TMCO1: variants seen among roughly 807,000 people sequenced by gnomAD.
The protein encoded by TMCO1 is calcium load-activated calcium channel.
Under a neutral mutation model 29.3 loss-of-function variants are expected in TMCO1, and 29 were observed. That is an observed-to-expected ratio of 0.99 (90% confidence interval 0.74 to 1.35). TMCO1 has a LOEUF of 1.35. TMCO1 is among the 40% of genes most tolerant of loss of function. TMCO1 has a pLI of 0.00. For missense variants in TMCO1, 173 were observed against 225.5 expected (o/e 0.77, Z 1.49); for synonymous variants, 80 against 77.1 (o/e 1.04, Z -0.20).
At chr1:165,741,337 T>C (rs1464947709) in intron 6 of TMCO1, among the ~76,000 whole-genome samples, 1 of 152,244 alleles carries the variant, frequency 6.6e-6, no homozygotes, top group Non-Finnish European at 1.5e-5. Context: ...TGCTACACTA[T>C]TATAATAGTC....
At chr1:165,730,875 G>A (rs568164825) in intron 6 of TMCO1, among the ~76,000 whole-genome samples, 3 of 150,760 alleles carry the variant, frequency 2.0e-5, no homozygotes, top group South Asian at 2.1e-4. Flanking sequence ...TTATAGGGGT[G>A]AGCCACTATG....
rs368195560 is a variant in TMCO1 at position 165,728,894 on chromosome 1, C to G, written c.469-773G>C. Among the ~76,000 whole-genome samples the G allele has an allele frequency of 2.6e-4, 39 of 151,908 alleles. No homozygotes were observed. In the East Asian group the frequency reaches 7.0e-3, roughly 27 times the overall value. On this transcript the variant is annotated intron_variant, in intron 6 of 6. Coordinates refer to ENST00000367881, the MANE Select transcript of TMCO1 (RefSeq NM_019026.6). ...GGTAGATCACTTGAGGCTAGGAGTTCAAGACGAGCTTGGACAACATGGTAA... is the reference window on the plus strand; with the variant it reads ...GGTAGATCACTTGAGGCTAGGAGTTGAAGACGAGCTTGGACAACATGGTAA...
intron 3 of TMCO1, among the ~76,000 whole-genome samples, chr1:165,756,012 T>C (rs999617407): frequency 6.6e-6 from 1 of 150,564 alleles, no homozygotes; most frequent in African/African-American, 2.4e-5. Context: ...GCTCTGAAAC[T>C]TTAATTTGCC....
intron 5 of TMCO1, among the ~76,000 whole-genome samples, chr1:165,749,965 T>C (rs762838058): frequency 2.0e-5 from 3 of 152,002 alleles, no homozygotes; most frequent in Non-Finnish European, 2.9e-5. Flanking sequence ...ATCAAAAAAA[T>C]GAAAAAATTT....
At chr1:165,750,587 C>T (rs912866433) in intron 5 of TMCO1, among the ~76,000 whole-genome samples, 1 of 143,562 alleles carries the variant, frequency 7.0e-6, no homozygotes, top group Non-Finnish European at 1.5e-5. Context: ...TTCAATGGAA[C>T]ATTATAAAGA....
intron 3 of TMCO1, among the ~76,000 whole-genome samples, chr1:165,756,553 A>G (rs968320783): frequency 6.6e-6 from 1 of 152,202 alleles, no homozygotes. Flanking sequence ...TTCTTATAAG[A>G]GGGAAATGCA....
chr1:165,744,069 T>G (rs1445286409), intron 5 of TMCO1, among the ~76,000 whole-genome samples: 1 of 152,030 alleles, frequency 6.6e-6, no homozygotes, highest in African/African-American at 2.4e-5. Context: ...GATGTTGGCC[T>G]TGATGGTCTC....
At chr1:165,764,280 G>C (rs893909347) in intron 2 of TMCO1, among the ~76,000 whole-genome samples, 2 of 152,216 alleles carry the variant, frequency 1.3e-5, no homozygotes, top group African/African-American at 4.8e-5. Context: ...CATTTATCAA[G>C]TATCTAATAT....
intron 5 of TMCO1, among the ~76,000 whole-genome samples, chr1:165,743,773 T>C (rs1041158884): frequency 1.3e-5 from 2 of 152,054 alleles, no homozygotes; most frequent in African/African-American, 2.4e-5. Flanking sequence ...AAATCTTTTA[T>C]ATCTTTATAT....
rs141673186 is a variant in TMCO1 at position 165,750,050 on chromosome 1, G to A, written c.323+2052C>T. ...ACATCATAATTTCCAGTGATGATAA[G>A]TATAAGGAGAAAGATCCATTCACAA... On this transcript the variant is annotated intron_variant, in intron 5 of 6. Transcript: ENST00000367881. Among the ~76,000 whole-genome samples, 1,027 of 152,176 alleles carry A rather than the reference G, an allele frequency of 6.7e-3. 17 individuals are homozygous for A. Among genetic ancestry groups the A allele is most frequent in the African/African-American group, 0.022 (931 of 41,526 alleles).
rs528456565 is a variant in TMCO1 at position 165,751,661 on chromosome 1, C to A, written c.323+441G>T. Among the ~76,000 whole-genome samples the A allele has an allele frequency of 4.6e-5, 7 of 151,304 alleles. No homozygotes were observed. The East Asian group carries it at 1.2e-3, about 25-fold the overall frequency. On this transcript the variant is annotated intron_variant, in intron 5 of 6. Coordinates refer to ENST00000367881, the MANE Select transcript of TMCO1 (RefSeq NM_019026.6). ...CAGAGGTTGCAGTGAGCCAAGATTGCGCCACTGCACTCCAGCCTGGGTGAC... is the reference window on the plus strand; with the variant it reads ...CAGAGGTTGCAGTGAGCCAAGATTGAGCCACTGCACTCCAGCCTGGGTGAC...
intron 6 of TMCO1, among the ~76,000 whole-genome samples, chr1:165,734,584 AC>A (rs1651296141): frequency 6.6e-6 from 1 of 152,022 alleles, no homozygotes; most frequent in South Asian, 2.1e-4. Flanking sequence ...GCTCACTGCA[AC>A]CTCCACCACC....
intron 6 of TMCO1, among the ~76,000 whole-genome samples, chr1:165,736,735 CA>C (rs1651405746): frequency 7.3e-6 from 1 of 136,218 alleles, no homozygotes; most frequent in Admixed American, 7.2e-5. Context: ...AAAAAAAAAA[CA>C]AAAAACAAAA....
At chr1:165,736,426 T>A (rs998665415) in intron 6 of TMCO1, among the ~76,000 whole-genome samples, 3 of 151,914 alleles carry the variant, frequency 2.0e-5, no homozygotes, top group African/African-American at 7.3e-5. Flanking sequence ...TACTGTTACT[T>A]AAGAGAACAG....
chr1:165,735,253 T>A (rs1162685160), intron 6 of TMCO1, among the ~76,000 whole-genome samples: 2 of 152,218 alleles, frequency 1.3e-5, no homozygotes, highest in African/African-American at 4.8e-5. Context: ...AAGGAGAATA[T>A]TCTGAATTTT....
intron 2 of TMCO1, among the ~76,000 whole-genome samples, chr1:165,761,865 T>C (rs1652418116): frequency 1.3e-5 from 2 of 151,844 alleles, no homozygotes; most frequent in East Asian, 2.0e-4. Context: ...GAGAGGATCA[T>C]GGAAGCCCAG....
chr1:165,754,356 T>C (rs1652113775), intron 3 of TMCO1, 82 bp from the exon 4 acceptor site: 7 of 1,075,702 alleles, frequency 6.5e-6, no homozygotes, highest in Admixed American at 1.7e-5. Flanking sequence ...TGATTGGTGA[T>C]TACAAAAGCA....
intron 2 of TMCO1, among the ~76,000 whole-genome samples, chr1:165,761,474 G>A (rs888391715): frequency 6.6e-6 from 1 of 151,940 alleles, no homozygotes; most frequent in African/African-American, 2.4e-5. Flanking sequence ...GCTTGAGGCT[G>A]CAGTGAGCTG....
At position 165,736,984 on chromosome 1, in the gene TMCO1, T is replaced by A. The variant is rs144002043; in HGVS notation, c.468+6183A>T. Among the ~76,000 whole-genome samples the A allele has an allele frequency of 3.0e-4, 45 of 152,278 alleles. No homozygotes were observed. In the East Asian group the frequency reaches 4.8e-3, roughly 16 times the overall value. On this transcript the variant is annotated intron_variant, in intron 6 of 6. Coordinates refer to ENST00000367881, the MANE Select transcript of TMCO1 (RefSeq NM_019026.6). ...ACTGTGCCCAGCTAATTTTTGTATT[T>A]TTTGTAGAGATGAGATTTTGCTCTG...
Sources: gnomAD v4.1 joint callset for allele counts (sites outside exome capture counted in the v4.1 genomes callset) on GRCh38, gnomAD v4.1.1 for gene constraint, MANE v1.5 for transcripts, NCBI Gene and HGNC (gene_info 2026-07-23, HGNC 2026-07-21) for gene names.